EPB41L1: variants seen among roughly 807,000 people sequenced by gnomAD.
The protein encoded by EPB41L1 is band 4.1-like protein 1.
Under a neutral mutation model 97.8 loss-of-function variants are expected in EPB41L1, and 29 were observed. The observed-to-expected ratio is 0.30, with a 90% CI of 0.22 to 0.40. EPB41L1 has a LOEUF of 0.40. Ranked by LOEUF, EPB41L1 falls within the 10% of genes least tolerant of loss-of-function variation. EPB41L1 has a pLI of 1.00. For missense variants in EPB41L1, 812 were observed against 1,162.3 expected, an observed-to-expected ratio of 0.70 and a Z score of 4.38; for synonymous variants, 383 against 459.2, an observed-to-expected ratio of 0.83 and a Z score of 2.12.
At chr20:36,119,496 G>A (rs1227955580) in intron 2 of EPB41L1, among the ~76,000 whole-genome samples, 1 of 152,180 alleles carries the variant, frequency 6.6e-6, no homozygotes, top group Non-Finnish European at 1.5e-5. Context: ...CAGCTACTCA[G>A]GAGGCTGAAG....
chr20:36,198,004 C>T lies in EPB41L1; in HGVS notation c.1631C>T (p.Ser544Phe). Residue 544 changes from serine to phenylalanine, a missense_variant, in exon 14 of 22, where the codon TCC becomes TTC. This residue lies in a region of EPB41L1 where 498 missense variants were observed against 622.7 expected (regional missense o/e 0.80). Coordinates refer to ENST00000338074, the MANE Select transcript of EPB41L1 (RefSeq NM_012156.2). ...RERRLPSSPASPSPKGTPEKA... is the reference protein window; with the variant it reads ...RERRLPSSPAFPSPKGTPEKA... ...CGCAGGCTGCCCTCCTCCCCCGCCT[C>T]CCCCTCCCCCAAGGGCACCCCTGAG... The T allele has an allele frequency of 6.2e-7, 1 of 1,613,308 alleles. No homozygotes were observed. Among genetic ancestry groups the T allele is most frequent in the Non-Finnish European group, 8.5e-7 (1 of 1,179,696 alleles).
In EPB41L1 at chr20:36,207,954, G is replaced by A. The variant is rs931721355; in HGVS notation, c.1669-1534G>A. On this transcript the variant is annotated intron_variant, in intron 14 of 21. Transcript: ENST00000338074. This position sits in a 1 kb window ranked among gnomAD's most constrained non-coding sequence, Gnocchi z 4.9. Reference sequence around the variant, plus strand: ...CCTAAACGGGCCTGGGTGTAGCTCAGGCTGAATGATGGGCTTCTCTGCTTG... The same window carrying A: ...CCTAAACGGGCCTGGGTGTAGCTCAAGCTGAATGATGGGCTTCTCTGCTTG... 1.3e-5 allele frequency among the ~76,000 whole-genome samples: 2 copies of A among 152,206 alleles called. No homozygotes were observed. Among genetic ancestry groups the A allele is most frequent in the African/African-American group, 2.4e-5 (1 of 41,442 alleles).
intron 17 of EPB41L1, among the ~76,000 whole-genome samples, chr20:36,214,668 G>A (rs2063336484): frequency 6.6e-6 from 1 of 152,176 alleles, no homozygotes; most frequent in Non-Finnish European, 1.5e-5. Flanking sequence ...AATCCCCACT[G>A]ATAGTGTCAG....
intron 1 of EPB41L1, among the ~76,000 whole-genome samples, chr20:36,099,494 TATA>T (rs2057940454): frequency 6.6e-6 from 1 of 152,194 alleles, no homozygotes; most frequent in African/African-American, 2.4e-5. Context: ...GATTTTTAAT[TATA>T]ATAATAATCA....
At position 36,187,680 on chromosome 20, in the gene EPB41L1, A is replaced by G. The variant is rs539561937; in HGVS notation, c.790A>G (p.Met264Val). The G allele has an allele frequency of 1.2e-6, 2 of 1,613,484 alleles. No individual in the cohort carries two copies. Among genetic ancestry groups the G allele is most frequent in the South Asian group, 2.2e-5 (2 of 91,026 alleles). Residue 264 changes from methionine (M) to valine (V), a missense_variant, in exon 8 of 22, where the codon ATG becomes GTG. By Grantham distance (21) the Met-to-Val change is conservative. Coordinates refer to ENST00000338074, the MANE Select transcript of EPB41L1 (RefSeq NM_012156.2). ...TGATCACTTTCTTTCCCTCAGGGGGATGACCCCGGGAGAAGCAGAAATCCA... is the reference window on the plus strand; with the variant it reads ...TGATCACTTTCTTTCCCTCAGGGGGGTGACCCCGGGAGAAGCAGAAATCCA... ...IMELHKTYRG[M>V]TPGEAEIHFL...
intron 2 of EPB41L1, among the ~76,000 whole-genome samples, chr20:36,136,441 C>T (rs974578620): frequency 6.6e-6 from 1 of 150,652 alleles, no homozygotes; most frequent in Non-Finnish European, 1.5e-5. Context: ...CAGCCTCCCA[C>T]AGTGCTGAGA....
At chr20:36,145,611 G>C (rs935758554) in intron 2 of EPB41L1, among the ~76,000 whole-genome samples, 1 of 152,064 alleles carries the variant, frequency 6.6e-6, no homozygotes, top group African/African-American at 2.4e-5. Context: ...TTTTCCTAAA[G>C]CCCAGCTCTA....
intron 1 of EPB41L1, among the ~76,000 whole-genome samples, chr20:36,165,453 C>G (rs2060700907): frequency 6.6e-6 from 1 of 151,652 alleles, no homozygotes; most frequent in African/African-American, 2.4e-5. Flanking sequence ...AATCCCAGCA[C>G]TTTGGGGGGC....
At chr20:36,174,361 C>T (rs145530206) in intron 2 of EPB41L1, among the ~76,000 whole-genome samples, 1,618 of 152,026 alleles carry the variant, frequency 0.011, 29 homozygotes, top group African/African-American at 0.035. Flanking sequence ...TGACCTCTGC[C>T]GCCCGGGTTC....
At chr20:36,119,198 G>A (rs6060805) in intron 2 of EPB41L1, among the ~76,000 whole-genome samples, 3 of 152,270 alleles carry the variant, frequency 2.0e-5, no homozygotes, top group African/African-American at 7.2e-5. Flanking sequence ...GGTGGGCTCA[G>A]GGGCTGCAAT....
At chr20:36,164,499 G>T (rs1465726896) in intron 1 of EPB41L1, among the ~76,000 whole-genome samples, 1 of 152,154 alleles carries the variant, frequency 6.6e-6, no homozygotes, top group Non-Finnish European at 1.5e-5. Context: ...AGTCTTTGGT[G>T]TCATCGGTGT....
At chr20:36,219,055 C>A in intron 18 of EPB41L1, 93 bp downstream of exon 18, 1 of 1,339,934 alleles carries the variant, frequency 7.5e-7, no homozygotes, top group Non-Finnish European at 1.1e-6. Flanking sequence ...CAGCGTTGAG[C>A]CCAGAAGGCA....
At chr20:36,114,206 G>C (rs561108610) in intron 2 of EPB41L1, among the ~76,000 whole-genome samples, 1 of 152,300 alleles carries the variant, frequency 6.6e-6, no homozygotes, top group Non-Finnish European at 1.5e-5. Context: ...AATTAGAATA[G>C]AGTTTTTCAA....
chr20:36,135,562 G>A (rs1402700135), intron 2 of EPB41L1, among the ~76,000 whole-genome samples: 2 of 152,190 alleles, frequency 1.3e-5, no homozygotes, highest in Non-Finnish European at 2.9e-5. Context: ...TGATTTAAAG[G>A]TCACTGAGAT....
At chr20:36,125,015 A>G (rs2058905414) in intron 2 of EPB41L1, among the ~76,000 whole-genome samples, 1 of 152,178 alleles carries the variant, frequency 6.6e-6, no homozygotes, top group South Asian at 2.1e-4. Context: ...CAAAGAGTTT[A>G]GACTTCCTGA....
intron 1 of EPB41L1, chr20:36,155,784 C>G (rs2060271485): frequency 2.6e-6 from 1 of 386,302 alleles, no homozygotes; most frequent in African/African-American, 2.1e-5. Flanking sequence ...CCACGTGTTC[C>G]CACATTCACT....
At chr20:36,222,465 T>G in intron 21 of EPB41L1, 71 bp downstream of exon 21, 1 of 1,256,914 alleles carries the variant, frequency 8.0e-7, no homozygotes, top group Non-Finnish European at 1.2e-6. Flanking sequence ...GAGGGCCATT[T>G]CCATCTGAGA....
Position 36,206,993 on chromosome 20 carries a change from A to G in EPB41L1, c.1669-2495A>G. ...CCAGACAGAGGCAACTTCCCACCCA[A>G]AGAGAGGGGAGTGGTTCCCACCCAG... On this transcript the variant is annotated intron_variant, in intron 14 of 21. Transcript: ENST00000338074. This position sits in a 1 kb window ranked among gnomAD's most constrained non-coding sequence, Gnocchi z 5.5. 1 of 1,289,902 alleles carries G rather than the reference A, an allele frequency of 7.8e-7. No individual in the cohort carries two copies. The highest frequency in any genetic ancestry group is 1.0e-6 in the Non-Finnish European group (1 of 988,876). 79.9% of individuals were successfully genotyped at this position (1,289,902 alleles called of 1,614,324 possible).
At chr20:36,110,493 C>T (rs1231193857) in intron 1 of EPB41L1, among the ~76,000 whole-genome samples, 2 of 152,082 alleles carry the variant, frequency 1.3e-5, no homozygotes, top group South Asian at 2.1e-4. Context: ...TTTGTTTCAT[C>T]AGCTCCTCCT....
Sources: allele counts gnomAD v4.1 joint callset (sites outside exome capture counted in the v4.1 genomes callset), GRCh38; gene constraint gnomAD v4.1.1; regional missense constraint gnomAD v4.1.1; non-coding constraint Gnocchi (gnomAD v3.1); transcripts MANE v1.5; gene names NCBI Gene and HGNC (gene_info 2026-07-23, HGNC 2026-07-21).